ZNF254: variants seen among roughly 807,000 people sequenced by gnomAD.
ZNF254 encodes CTD-2017D11.1.
In ZNF254, 10 loss-of-function variants were observed where a neutral mutation model predicts 12.4. The observed-to-expected ratio is 0.80, with a 90% CI of 0.50 to 1.36. The LOEUF is 1.36. Among genes scored for constraint, ZNF254 ranks in the 40% most tolerant of loss-of-function variants. The pLI is 0.00. For synonymous variants in ZNF254, 305 were observed against 253.4 expected (o/e 1.20, Z -1.93); for missense variants, 996 against 763.9 (o/e 1.30, Z -3.58).
intron 2 of ZNF254, among the ~76,000 whole-genome samples, chr19:24,069,560 A>T (rs576093895): frequency 4.3e-5 from 6 of 140,738 alleles, no homozygotes; most frequent in African/African-American, 1.6e-4. Flanking sequence ...AGCCAAGATC[A>T]CGCCACTGCC....
In ZNF254 at chr19:24,129,023, TTC is replaced by T. The variant is rs965229805; in HGVS notation, c.*1045_*1046del. 1.3e-5 allele frequency: 2 copies of T among 152,034 alleles called. No individual in the cohort carries two copies. Among genetic ancestry groups the T allele is most frequent in the Admixed American group, 6.6e-5 (1 of 15,256 alleles). 9.4% of individuals were successfully genotyped at this position (152,034 alleles called of 1,614,324 possible). On this transcript the variant is annotated 3_prime_UTR_variant, in exon 4 of 4. Transcript: ENST00000357002. Reference sequence around the variant, plus strand: ...TTGTTGCTGCATAAAAGATATGAGATTCTTTTTTATTAGGCATTATTTATGAC... The same window carrying T: ...TTGTTGCTGCATAAAAGATATGAGATTTTTTTATTAGGCATTATTTATGAC...
At chr19:24,108,942 T>C (rs1973497260) in intron 3 of ZNF254, among the ~76,000 whole-genome samples, 1 of 151,708 alleles carries the variant, frequency 6.6e-6, no homozygotes. Context: ...GATCACGAGA[T>C]CAGGAGATTG....
chr19:24,104,859 A>G (rs1973240065), intron 1 of ZNF254: 1 of 152,124 alleles, frequency 6.6e-6, no homozygotes, highest in Non-Finnish European at 1.5e-5. Context: ...TTAAGAAAAT[A>G]CTCATTTAAA....
At chr19:24,116,190 C>G (rs534787758) in intron 3 of ZNF254, among the ~76,000 whole-genome samples, 2 of 151,186 alleles carry the variant, frequency 1.3e-5, no homozygotes, top group African/African-American at 4.8e-5. Flanking sequence ...TTGCTCTTCT[C>G]GAGAAGTATC....
intron 1 of ZNF254, among the ~76,000 whole-genome samples, chr19:24,036,072 G>GT (rs1056271661): frequency 4.0e-5 from 6 of 151,154 alleles, no homozygotes; most frequent in Non-Finnish European, 8.8e-5. Flanking sequence ...GTTTTGTTTT[G>GT]TTTTTTTGAG....
At chr19:24,047,687 T>A (rs994595713) in intron 2 of ZNF254, among the ~76,000 whole-genome samples, 1 of 150,958 alleles carries the variant, frequency 6.6e-6, no homozygotes, top group East Asian at 1.9e-4. Context: ...TTTTTCTTTT[T>A]TCTTTTCTTT....
At chr19:24,095,105 T>A (rs1972599982) in intron 1 of ZNF254, among the ~76,000 whole-genome samples, 1 of 152,244 alleles carries the variant, frequency 6.6e-6, no homozygotes, top group South Asian at 2.1e-4. Flanking sequence ...ATGAAAGATG[T>A]TAAATTTTAT....
intron 2 of ZNF254, among the ~76,000 whole-genome samples, chr19:24,058,668 A>T (rs1970956081): frequency 6.6e-6 from 1 of 151,884 alleles, no homozygotes; most frequent in Non-Finnish European, 1.5e-5. Flanking sequence ...TTGGCCTCCC[A>T]AAGTGCTGGG....
Position 24,128,246 on chromosome 19 carries a change from A to G in ZNF254, c.*266A>G, listed in dbSNP as rs1036112228. On this transcript the variant is annotated 3_prime_UTR_variant, in exon 4 of 4. Transcript: ENST00000357002. The stretch of plus-strand genomic sequence containing the variant: ...ACGTGGCCAAGCTTCGACAATGCTC[A>G]CACCCTATTGCACAGGAAAGCATTT... 2 of 383,954 alleles carry G rather than the reference A, an allele frequency of 5.2e-6. No homozygotes were observed. Among genetic ancestry groups the G allele is most frequent in the Admixed American group, 8.1e-5 (2 of 24,636 alleles). 23.8% of individuals were successfully genotyped at this position (383,954 alleles called of 1,614,324 possible). A position where few individuals can be genotyped will look rare whatever the true frequency, so the allele number is the denominator to read the frequency against.
chr19:24,091,648 A>G (rs1012559851), intron 1 of ZNF254, among the ~76,000 whole-genome samples: 1 of 151,936 alleles, frequency 6.6e-6, no homozygotes, highest in Non-Finnish European at 1.5e-5. Context: ...CTGTGCCACC[A>G]CACCTGGCTA....
At chr19:24,079,037 A>C (rs1330318087) in intron 2 of ZNF254, 1 of 152,212 alleles carries the variant, frequency 6.6e-6, no homozygotes, top group Non-Finnish European at 1.5e-5. Flanking sequence ...AAGATACAGG[A>C]AAAATTGCCT....
At chr19:24,119,751 A>G (rs1314706407) in intron 3 of ZNF254, among the ~76,000 whole-genome samples, 1 of 152,094 alleles carries the variant, frequency 6.6e-6, no homozygotes. Flanking sequence ...TTAACCTCCC[A>G]AAGTCCTGAG....
At chr19:24,117,171 C>T (rs546709922) in intron 3 of ZNF254, among the ~76,000 whole-genome samples, 2 of 152,162 alleles carry the variant, frequency 1.3e-5, no homozygotes, top group Non-Finnish European at 2.9e-5. Context: ...AGGAGTCTGT[C>T]TGCCTGTTCT....
chr19:24,103,912 G>C (rs1973179232), intron 1 of ZNF254: 1 of 152,276 alleles, frequency 6.6e-6, no homozygotes, highest in Admixed American at 6.5e-5. Context: ...TTAGGTAGAG[G>C]TGGGGTTTCA....
intron 1 of ZNF254, among the ~76,000 whole-genome samples, chr19:24,035,472 T>C (rs1178724065): frequency 6.6e-6 from 1 of 152,200 alleles, no homozygotes; most frequent in Non-Finnish European, 1.5e-5. Flanking sequence ...CAAGTCAGCC[T>C]GTTTTTGAGG....
chr19:24,076,089 G>T (rs943454919), intron 2 of ZNF254, among the ~76,000 whole-genome samples: 1 of 152,164 alleles, frequency 6.6e-6, no homozygotes, highest in Non-Finnish European at 1.5e-5. Context: ...CAAACAATTT[G>T]TACAGATAAT....
intron 2 of ZNF254, among the ~76,000 whole-genome samples, chr19:24,052,051 C>G (rs1970668941): frequency 6.6e-6 from 1 of 152,198 alleles, no homozygotes; most frequent in Non-Finnish European, 1.5e-5. Context: ...TGATGTGACT[C>G]TCTTGCATGG....
chr19:24,053,031 T>C (rs1202581136), intron 2 of ZNF254, among the ~76,000 whole-genome samples: 34 of 152,212 alleles, frequency 2.2e-4, no homozygotes, highest in Admixed American at 2.2e-3. Context: ...GACACTCATA[T>C]GCATAGCCTG....
chr19:24,099,059 C>T (rs138976182), intron 1 of ZNF254: 1,755 of 135,896 alleles, frequency 0.013, 12 homozygotes, highest in Non-Finnish European at 0.019. Context: ...TGCAGTGACA[C>T]GATCTCAGCT....
Sources: allele counts gnomAD v4.1 joint callset (sites outside exome capture counted in the v4.1 genomes callset), GRCh38; gene constraint gnomAD v4.1.1; transcripts MANE v1.5; gene names NCBI Gene and HGNC (gene_info 2026-07-23, HGNC 2026-07-21).